The following ATP5F1C variants were observed in gnomAD, a reference collection of about 807,000 sequenced individuals.
The protein encoded by ATP5F1C is ATP synthase F1 subunit gamma.
ATP5F1C carries 22 observed loss-of-function variants against 37.4 expected under a neutral mutation model. That is an observed-to-expected ratio of 0.59 (90% CI 0.42 to 0.84). The LOEUF is 0.84. Ranked by LOEUF, ATP5F1C falls within the 40% of genes least tolerant of loss-of-function variation. The pLI, the probability that ATP5F1C is intolerant of heterozygous loss-of-function variation, is 0.00. For synonymous variants in ATP5F1C, 121 were observed against 128.0 expected (o/e 0.95, Z 0.37); for missense variants, 286 against 362.4 (o/e 0.79, Z 1.71).
At chr10:7,792,039 C>A (rs953214266) in intron 1 of ATP5F1C, among the ~76,000 whole-genome samples, 2 of 152,134 alleles carry the variant, frequency 1.3e-5, no homozygotes, top group Admixed American at 6.5e-5. Flanking sequence ...ACAATAATAT[C>A]CAAGAGTGAC....
chr10:7,805,763 A>G (rs1024931304), intron 8 of ATP5F1C, among the ~76,000 whole-genome samples: 22 of 151,742 alleles, frequency 1.4e-4, no homozygotes, highest in East Asian at 3.9e-4. Context: ...AAAAAAAAAA[A>G]AAAAAAGAAA....
At chr10:7,796,996 G>T in intron 2 of ATP5F1C, 51 bp from the exon 3 acceptor site, 1 of 1,569,416 alleles carries the variant, frequency 6.4e-7, no homozygotes, top group South Asian at 1.2e-5. Flanking sequence ...AAATTCACAA[G>T]GAAGTTATAC....
chr10:7,798,969 C>T lies in ATP5F1C; in HGVS notation c.224-21C>T, dbSNP rs1007193182. ...TAGTGTATTGCATATAAAAAAATTA[C>T]TGCTTTTGTTTGTTTTTAAGCTCTG... On this transcript the variant is annotated intron_variant, in intron 3 of 9. Transcript: ENST00000356708. 7 of 1,604,358 alleles carry T rather than the reference C, an allele frequency of 4.4e-6. No homozygotes were observed. The African/African-American group carries it at 9.4e-5, about 22-fold the overall frequency.
chr10:7,802,184 A>T (rs1290930469), intron 6 of ATP5F1C, 86 bp from the exon 7 acceptor site: 4 of 1,339,760 alleles, frequency 3.0e-6, no homozygotes, highest in Non-Finnish European at 4.0e-6. Flanking sequence ...TGTAATTATA[A>T]AGGAGTTTTA....
chr10:7,798,788 C>T (rs969312846), intron 3 of ATP5F1C, among the ~76,000 whole-genome samples: 1 of 152,228 alleles, frequency 6.6e-6, no homozygotes, highest in Non-Finnish European at 1.5e-5. Flanking sequence ...ACCTCGGCCT[C>T]CCAAAGTGCT....
chr10:7,796,330 G>A, intron 2 of ATP5F1C, 175 bp downstream of exon 2: 1 of 503,594 alleles, frequency 2.0e-6, no homozygotes, highest in Admixed American at 4.0e-5. Flanking sequence ...CAGTAAGAAA[G>A]GACACCTGAG....
chr10:7,791,242 G>T (rs2131054118), intron 1 of ATP5F1C, among the ~76,000 whole-genome samples: 1 of 152,172 alleles, frequency 6.6e-6, no homozygotes, highest in Non-Finnish European at 1.5e-5. Flanking sequence ...GGAGGTTGCA[G>T]TGAGCTGAGA....
Position 7,807,016 on chromosome 10 carries a change from G to A in ATP5F1C, c.*30+6G>A, listed in dbSNP as rs1306443292. On this transcript the variant is annotated splice_donor_region_variant and intron_variant, in intron 9 of 9. Transcript: ENST00000356708. The stretch of plus-strand genomic sequence containing the variant: ...GTTCCATCCTCAGACAAGAGGTAAA[G>A]TTCACACATTCTTCCCATGTCTGTT... 5 of 1,607,934 alleles carry A rather than the reference G, an allele frequency of 3.1e-6. No individual in the cohort carries two copies. In the Admixed American group the frequency reaches 5.0e-5, roughly 16 times the overall value.
Position 7,799,933 on chromosome 10 carries a change from A to G in ATP5F1C, c.572+18A>G. On this transcript the variant is annotated intron_variant, in intron 5 of 9. Coordinates refer to ENST00000356708, the MANE Select transcript of ATP5F1C (RefSeq NM_001001973.3). ...AAATTCAGGCAAGACAGATTTAGAA[A>G]TCAAAGCTTTTTTATGTTCATGCTT... 3.7e-6 allele frequency: 6 copies of G among 1,607,150 alleles called. No individual in the cohort carries two copies. Among genetic ancestry groups the G allele is most frequent in the Non-Finnish European group, 5.1e-6 (6 of 1,177,184 alleles).
rs114338789 is a variant in ATP5F1C, at chr10:7,804,088, C to G, written c.890+1234C>G. On this transcript the variant is annotated intron_variant, in intron 8 of 9. Transcript: ENST00000356708. ...GCAGACACTAAATAAGAAGTCACAG[C>G]AGAACAGAGGTTGCTAAACTGTGGC... 1,583 of 518,932 alleles carry G rather than the reference C, an allele frequency of 3.1e-3. 23 individuals are homozygous for G. The highest frequency in any genetic ancestry group is 0.028 in the African/African-American group (1,435 of 52,044). The allele number at this position is 518,932 out of a possible 1,614,324, so 32.1% of individuals were successfully genotyped here.
At chr10:7,800,621 A>G (rs983207794) in intron 6 of ATP5F1C, among the ~76,000 whole-genome samples, 6 of 151,716 alleles carry the variant, frequency 4.0e-5, no homozygotes, top group Non-Finnish European at 5.9e-5. Flanking sequence ...CAGCCTCCCA[A>G]GTAGCTGGGA....
At chr10:7,788,398 C>G (rs1178960383) in intron 1 of ATP5F1C, 135 bp downstream of exon 1, 1 of 1,276,204 alleles carries the variant, frequency 7.8e-7, no homozygotes, top group African/African-American at 1.5e-5. Context: ...CCGTCGGAGG[C>G]GCCGGGTAGC....
intron 8 of ATP5F1C, 98 bp downstream of exon 8, chr10:7,802,952 A>G (rs1329181687): frequency 5.1e-6 from 5 of 974,028 alleles, no homozygotes; most frequent in Non-Finnish European, 6.1e-6. Flanking sequence ...TTTCTTTTGA[A>G]GTTGAAACTC....
In ATP5F1C at chr10:7,802,153, A is replaced by C. The variant is rs1233977607; in HGVS notation, c.638-117A>C. 5 of 1,022,144 alleles carry C rather than the reference A, an allele frequency of 4.9e-6. No individual in the cohort carries two copies. The East Asian group carries it at 1.3e-4, about 27-fold the overall frequency. 63.3% of individuals were successfully genotyped at this position (1,022,144 alleles called of 1,614,324 possible). ...TTATTAGAACAGATTCATTTACCTT[A>C]TCTAGCATTAATTTCTGCTCTGTAA... On this transcript the variant is annotated intron_variant, in intron 6 of 9. Coordinates refer to ENST00000356708, the MANE Select transcript of ATP5F1C (RefSeq NM_001001973.3).
intron 1 of ATP5F1C, among the ~76,000 whole-genome samples, chr10:7,794,075 A>G (rs1321320936): frequency 1.3e-5 from 2 of 152,202 alleles, no homozygotes; most frequent in Non-Finnish European, 2.9e-5. Context: ...TGAGATTCTA[A>G]TGGATTTTTA....
chr10:7,806,988 C>G lies in ATP5F1C; in HGVS notation c.*8C>G. ...ATAATAACCAGGGATTAATGAAAAT[C>G]AAGTTCCATCCTCAGACAAGAGGTA... On this transcript the variant is annotated 3_prime_UTR_variant, in exon 9 of 10. Coordinates refer to ENST00000356708, the MANE Select transcript of ATP5F1C (RefSeq NM_001001973.3). The G allele has an allele frequency of 6.2e-7, 1 of 1,612,222 alleles. No individual in the cohort carries two copies. Among genetic ancestry groups the G allele is most frequent in the South Asian group, 1.1e-5 (1 of 91,022 alleles).
intron 6 of ATP5F1C, among the ~76,000 whole-genome samples, chr10:7,801,939 T>C (rs1486408471): frequency 6.6e-6 from 1 of 152,250 alleles, no homozygotes; most frequent in Admixed American, 6.5e-5. Flanking sequence ...GAGTGCTTGC[T>C]GGCTTTGTAA....
At chr10:7,789,210 G>C (rs967688724) in intron 1 of ATP5F1C, among the ~76,000 whole-genome samples, 1 of 152,118 alleles carries the variant, frequency 6.6e-6, no homozygotes, top group South Asian at 2.1e-4. Flanking sequence ...GGGGATTCTA[G>C]GCTGTGTCGT....
intron 3 of ATP5F1C, among the ~76,000 whole-genome samples, chr10:7,797,865 A>G (rs551620996): frequency 4.6e-5 from 7 of 152,334 alleles, no homozygotes; most frequent in African/African-American, 1.7e-4. Context: ...TAGTCTTCTT[A>G]ATGGAAAAGA....
Sources: gnomAD v4.1 joint callset for allele counts (sites outside exome capture counted in the v4.1 genomes callset) on GRCh38, gnomAD v4.1.1 for gene constraint, MANE v1.5 for transcripts, NCBI Gene and HGNC (gene_info 2026-07-23, HGNC 2026-07-21) for gene names.